The following OFD1 variants were observed in gnomAD, a reference collection of about 807,000 sequenced individuals.
OFD1 encodes OFD1 centriole and centriolar satellite protein.
Under a neutral mutation model 81.4 loss-of-function variants are expected in OFD1, and 12 were observed. The ratio of observed to expected loss-of-function variants is 0.15; its 90% CI spans 0.09 to 0.24. The LOEUF (loss-of-function observed/expected upper bound fraction) is 0.24, where lower values mean the gene tolerates loss of function less well. Ranked by LOEUF, OFD1 falls within the 10% of genes least tolerant of loss-of-function variation. The pLI is 1.00. For missense variants in OFD1, 685 were observed against 733.9 expected (o/e 0.93, Z 0.77); for synonymous variants, 256 against 263.7 (o/e 0.97, Z 0.28).
the OFD1 span, among the ~76,000 whole-genome samples, chrX:13,726,564 T>C: frequency 9.0e-6 from 1 of 111,625 alleles, no homozygotes; most frequent in Non-Finnish European, 1.9e-5. Flanking sequence ...ATGAGAGATT[T>C]TGTCACCACC....
intron 8 of OFD1, among the ~76,000 whole-genome samples, chrX:13,747,355 G>T (rs1457045935): frequency 7.2e-5 from 8 of 111,542 alleles, no homozygotes; most frequent in Non-Finnish European, 1.3e-4. Flanking sequence ...GCTGTGGTTG[G>T]GGGAGCCTGG....
intron 5 of OFD1, among the ~76,000 whole-genome samples, chrX:13,740,733 C>T (rs1051208024): frequency 1.9e-5 from 2 of 106,252 alleles, no homozygotes; most frequent in African/African-American, 3.5e-5. Context: ...GCGAAGGTTG[C>T]GGTGAGCCAA....
At chrX:13,719,243 T>C in the OFD1 span, among the ~76,000 whole-genome samples, 5 of 60,338 alleles carry the variant, frequency 8.3e-5, no homozygotes, top group Non-Finnish European at 1.5e-4. Context: ...TCCATTTCCT[T>C]GTCTCAAAAA....
At chrX:13,755,867 T>C (rs2047681721) in intron 12 of OFD1, among the ~76,000 whole-genome samples, 1 of 111,152 alleles carries the variant, frequency 9.0e-6, no homozygotes, top group Non-Finnish European at 1.9e-5. Context: ...CTTTGTAGGC[T>C]TTTTACTCAA....
Position 13,746,776 on chromosome X carries a change from G to A in OFD1, c.655-4G>A. On this transcript the variant is annotated splice_region_variant and splice_polypyrimidine_tract_variant and intron_variant, in intron 7 of 22. Coordinates refer to ENST00000340096, the MANE Select transcript of OFD1 (RefSeq NM_003611.3). ...ATTTTTAATTTTTTGTGATCAATTT[G>A]CAGTTGAAGTTTTTTAAAGATACCG... 2.5e-6 allele frequency: 3 copies of A among 1,185,122 alleles called. No individual in the cohort carries two copies. The highest frequency in any genetic ancestry group is 3.4e-6 in the Non-Finnish European group (3 of 874,469).
downstream of OFD1, chrX:13,771,366 A>C (rs2048294960): frequency 9.5e-6 from 1 of 105,180 alleles, no homozygotes; most frequent in Non-Finnish European, 1.9e-5. Flanking sequence ...TGTTCTACAC[A>C]GAAGAGAGCT....
chrX:13,746,818 A>T lies in OFD1; in HGVS notation c.693A>T (p.Lys231Asn). The change falls in exon 8 of 23, where the codon AAA becomes AAT. Residue 231 changes from lysine (K) to asparagine (N), a missense_variant. Lys to Asn is a moderately conservative substitution (Grantham distance 94, BLOSUM62 0). Coordinates refer to ENST00000340096, the MANE Select transcript of OFD1 (RefSeq NM_003611.3). The part of the protein sequence containing the change: ...FFKDTEIAKI[K>N]MEAKKKYEKE... ...AAGATACCGAGATAGCAAAAATTAA[A>T]ATGGAAGCAAAAAAAAAGTATGAAA... 2 of 1,204,033 alleles carry T rather than the reference A, an allele frequency of 1.7e-6. No individual in the cohort carries two copies. Among genetic ancestry groups the T allele is most frequent in the Non-Finnish European group, 2.2e-6 (2 of 890,334 alleles).
At chrX:13,719,796 T>G in the OFD1 span, 3 of 766,956 alleles carry the variant, frequency 3.9e-6, no homozygotes, top group East Asian at 3.8e-5. Context: ...TTCAGTTACC[T>G]TATCTGTCCA....
At chrX:13,739,914 A>G in intron 5 of OFD1, 1 of 753,762 alleles carries the variant, frequency 1.3e-6, no homozygotes, top group Non-Finnish European at 1.6e-6. Flanking sequence ...TTTGATGCAT[A>G]GTTATTCTTT....
At chrX:13,738,070 G>A (rs192345692) in intron 3 of OFD1, among the ~76,000 whole-genome samples, 3 of 111,507 alleles carry the variant, frequency 2.7e-5, no homozygotes, top group African/African-American at 9.8e-5. Context: ...GGCTGGTCTC[G>A]AATCCTGACC....
chrX:13,746,574 G>T lies in OFD1; in HGVS notation c.654+119G>T. The T allele has an allele frequency of 4.4e-6, 4 of 916,391 alleles. No homozygotes were observed. The South Asian group carries it at 6.8e-5, about 16-fold the overall frequency. 75.5% of individuals were successfully genotyped at this position (916,391 alleles called of 1,213,427 possible). A position where few individuals can be genotyped will look rare whatever the true frequency, so the allele number is the denominator to read the frequency against. On this transcript the variant is annotated intron_variant, in intron 7 of 22. Transcript: ENST00000340096. ...TTAATAACGAATGGGATACTGTACT[G>T]TTGTGCAAATTTTTTTTTATTTCTG...
In OFD1 at chrX:13,752,861, GA is replaced by G; in HGVS notation, c.1056-503del. 4 of 960,228 alleles carry G rather than the reference GA, an allele frequency of 4.2e-6. No homozygotes were observed. In the South Asian group the frequency reaches 8.3e-5, roughly 20 times the overall value. The allele number at this position is 960,228 out of a possible 1,213,427, so 79.1% of individuals were successfully genotyped here. On this transcript the variant is annotated intron_variant, in intron 10 of 22. Transcript: ENST00000340096. ...AGCTGGGAAAGGGAAGTGAAACTGT[GA>G]AAATGTGCCTTTTGGTATTGCTAAT...
chrX:13,771,238 G>A (rs1304068996), downstream of OFD1: 2 of 111,490 alleles, frequency 1.8e-5, no homozygotes, highest in Admixed American at 9.5e-5. Flanking sequence ...AGTAAAATTA[G>A]GCTTTAGACA....
chrX:13,758,066 C>T (rs2047779615), intron 14 of OFD1, among the ~76,000 whole-genome samples: 2 of 111,456 alleles, frequency 1.8e-5, no homozygotes, highest in East Asian at 2.8e-4. Flanking sequence ...TCTCGATTCT[C>T]ACCCTGATAA....
chrX:13,769,984 TG>T (rs1309643668), downstream of OFD1, among the ~76,000 whole-genome samples: 1 of 112,387 alleles, frequency 8.9e-6, no homozygotes, highest in African/African-American at 3.2e-5. Context: ...ATCTTTATTA[TG>T]GAACCTTTGG....
rs748851759 is a variant in OFD1 at position 13,755,217 on chromosome X, C to T, written c.1196C>T (p.Ser399Phe). The change falls in exon 12 of 23, where the codon TCT (serine) becomes TTT (phenylalanine). Residue 399 changes from serine to phenylalanine, a missense_variant. By Grantham distance (155) the Ser-to-Phe change is radical (BLOSUM62 -2). Transcript: ENST00000340096. The stretch of plus-strand genomic sequence containing the variant: ...TCAAAAAAGGAGGAACTCAATCAAT[C>T]TGTAAATCGTGTGAAAGAACTTGAG... ...INSKKEELNQ[S>F]VNRVKELELE... 8 of 1,195,184 alleles carry T rather than the reference C, an allele frequency of 6.7e-6. No individual in the cohort carries two copies. Among genetic ancestry groups the T allele is most frequent in the Non-Finnish European group, 9.1e-6 (8 of 881,331 alleles).
At chrX:13,719,335 G>A in the OFD1 span, among the ~76,000 whole-genome samples, 1 of 110,693 alleles carries the variant, frequency 9.0e-6, no homozygotes, top group Non-Finnish European at 1.9e-5. Context: ...CAAGCAAGTT[G>A]GGTGGTATCA....
chrX:13,771,828 A>T (rs1376402838), downstream of OFD1: 3 of 112,474 alleles, frequency 2.7e-5, no homozygotes, highest in Non-Finnish European at 5.6e-5. Flanking sequence ...TAAGATTTAG[A>T]TAAGAAAAAA....
At chrX:13,718,955 G>A in the OFD1 span, among the ~76,000 whole-genome samples, 16 of 110,779 alleles carry the variant, frequency 1.4e-4, no homozygotes, top group African/African-American at 5.3e-4. Flanking sequence ...TCAGGAGTTC[G>A]AGACCAGCCT....
Sources: gnomAD v4.1 joint callset for allele counts (sites outside exome capture counted in the v4.1 genomes callset) on GRCh38, gnomAD v4.1.1 for gene constraint, MANE v1.5 for transcripts, NCBI Gene and HGNC (gene_info 2026-07-23, HGNC 2026-07-21) for gene names.